The following MCTP1 variants were observed in gnomAD, a reference collection of about 807,000 sequenced individuals.
MCTP1 encodes the protein multiple C2 and transmembrane domain containing 1, also known as multiple C2 and transmembrane domain-containing protein 1.
Under a neutral mutation model 120.6 loss-of-function variants are expected in MCTP1, and 69 were observed. The observed-to-expected ratio is 0.57, with a 90% CI of 0.47 to 0.70. MCTP1 has a LOEUF of 0.70. Among genes scored for constraint, MCTP1 ranks in the 30% least tolerant of loss-of-function variants. The probability of loss-of-function intolerance (pLI) is 0.00; values close to 1 mark genes in which losing one functional copy is unlikely to be tolerated. For synonymous variants in MCTP1, 529 were observed against 493.1 expected, an observed-to-expected ratio of 1.07 and a Z score of -0.96; for missense variants, 1,203 against 1,248.8, an observed-to-expected ratio of 0.96 and a Z score of 0.55.
At chr5:95,247,341 A>G (rs778916486) in intron 1 of MCTP1, among the ~76,000 whole-genome samples, 6 of 152,116 alleles carry the variant, frequency 3.9e-5, no homozygotes, top group Non-Finnish European at 7.4e-5. Flanking sequence ...TCAAAAAACC[A>G]GCTCCTGGAT....
rs183066999 is a variant in MCTP1, at chr5:95,120,155, C to T, written c.721-102671G>A. 2.7e-3 allele frequency among the ~76,000 whole-genome samples: 352 copies of T among 130,878 alleles called. 1 individual carries two copies. Among genetic ancestry groups the T allele is most frequent in the African/African-American group, 8.7e-3 (308 of 35,424 alleles). 85.9% of individuals were successfully genotyped at this position (130,878 alleles called of 152,430 possible). A position where few individuals can be genotyped will look rare whatever the true frequency, so the allele number is the denominator to read the frequency against. Reference sequence around the variant, plus strand: ...TTGCGCCACTGCACTCCAGCCTGGGCGACAGAGCAAGACTCCATCTCAAAA... The same window carrying T: ...TTGCGCCACTGCACTCCAGCCTGGGTGACAGAGCAAGACTCCATCTCAAAA... On this transcript the variant is annotated intron_variant, in intron 1 of 22. Transcript: ENST00000515393.
rs1764242749 is a variant in MCTP1 at position 94,736,385 on chromosome 5, A to G, written c.2611-21499T>C. ...CTGGTCCCAACCACTCGGGAGGCTG[A>G]GGTGGGGGAATCACTTGAGCCTGGG... On this transcript the variant is annotated intron_variant, in intron 19 of 22. Transcript: ENST00000515393. Among the ~76,000 whole-genome samples the G allele has an allele frequency of 5.9e-5, 9 of 152,238 alleles. 1 individual carries two copies. The South Asian group carries it at 1.9e-3, about 32-fold the overall frequency.
rs115470106 is a variant in MCTP1 at position 95,142,731 on chromosome 5, C to T, written c.721-125247G>A. Among the ~76,000 whole-genome samples the T allele has an allele frequency of 7.0e-3, 1,070 of 152,214 alleles. 4 individuals are homozygous for T. The highest frequency in any genetic ancestry group is 0.011 in the Non-Finnish European group (715 of 67,988). On this transcript the variant is annotated intron_variant, in intron 1 of 22. Coordinates refer to ENST00000515393, the MANE Select transcript of MCTP1 (RefSeq NM_024717.7). ...AGAATCAATGGGAATGAAAAGAGCT[C>T]ACCGGCCTCTGACCAACAATTGCCC...
chr5:94,998,035 T>C (rs890091098), intron 2 of MCTP1, among the ~76,000 whole-genome samples: 1 of 152,178 alleles, frequency 6.6e-6, no homozygotes, highest in Non-Finnish European at 1.5e-5. Flanking sequence ...TTGTTCTCAA[T>C]GCAAGGCAGT....
intron 1 of MCTP1, among the ~76,000 whole-genome samples, chr5:95,211,295 G>A (rs1179610826): frequency 6.6e-6 from 1 of 152,106 alleles, no homozygotes; most frequent in African/African-American, 2.4e-5. Flanking sequence ...CATTCTCCCT[G>A]TCACTTTCAG....
chr5:94,818,535 C>T (rs888926828), intron 17 of MCTP1, among the ~76,000 whole-genome samples: 7 of 152,136 alleles, frequency 4.6e-5, no homozygotes, highest in Non-Finnish European at 1.0e-4. Flanking sequence ...TTACATACTG[C>T]GCTAGAGGCT....
chr5:94,888,096 A>G (rs1801738279), intron 12 of MCTP1, among the ~76,000 whole-genome samples: 1 of 152,160 alleles, frequency 6.6e-6, no homozygotes, highest in African/African-American at 2.4e-5. Flanking sequence ...AGTCCTATTT[A>G]TTGTCTAACT....
intron 21 of MCTP1, chr5:94,708,848 G>C: frequency 2.8e-6 from 1 of 358,678 alleles, no homozygotes. Flanking sequence ...AGCTGCCCTG[G>C]GGGTTAATTA....
At chr5:95,065,839 T>C (rs1750520330) in intron 1 of MCTP1, among the ~76,000 whole-genome samples, 1 of 152,112 alleles carries the variant, frequency 6.6e-6, no homozygotes, top group Non-Finnish European at 1.5e-5. Context: ...CCCCAATTTC[T>C]CAGCATATAC....
chr5:94,909,487 C>T (rs778278000), intron 9 of MCTP1, 106 bp from the exon 10 acceptor site: 80 of 1,045,802 alleles, frequency 7.6e-5, no homozygotes, highest in Middle Eastern at 2.4e-4. Flanking sequence ...TAGAAAAGCA[C>T]GCTGTGTGCT....
chr5:94,815,439 T>A (rs1245351771), intron 17 of MCTP1, among the ~76,000 whole-genome samples: 2 of 152,242 alleles, frequency 1.3e-5, no homozygotes, highest in South Asian at 2.1e-4. Flanking sequence ...TGTTCTACTG[T>A]CAGCTTTTCT....
chr5:95,284,654 T>C lies in MCTP1; in HGVS notation c.-79A>G. The C allele has an allele frequency of 1.7e-6, 2 of 1,189,136 alleles. 1 individual carries two copies. Among genetic ancestry groups the C allele is most frequent in the South Asian group, 3.8e-5 (2 of 52,788 alleles). The allele number at this position is 1,189,136 out of a possible 1,614,324, so 73.7% of individuals were successfully genotyped here. A position where few individuals can be genotyped will look rare whatever the true frequency, so the allele number is the denominator to read the frequency against. The stretch of plus-strand genomic sequence containing the variant: ...CTCCTCCCTCTTCGGCTGCACCTCC[T>C]CCCGGGTCCCCGCGGCGCTGGCGGT... On this transcript the variant is annotated 5_prime_UTR_variant, in exon 1 of 23. Coordinates refer to ENST00000515393, the MANE Select transcript of MCTP1 (RefSeq NM_024717.7). This position sits in a 1 kb window ranked among gnomAD's most constrained non-coding sequence, Gnocchi z 5.2.
intron 19 of MCTP1, among the ~76,000 whole-genome samples, chr5:94,743,565 C>T (rs1766093693): frequency 6.6e-6 from 1 of 151,744 alleles, no homozygotes; most frequent in Admixed American, 6.6e-5. Context: ...GTCATCATGG[C>T]CATGTTGGAA....
intron 19 of MCTP1, among the ~76,000 whole-genome samples, chr5:94,776,314 A>C (rs1243242596): frequency 6.6e-6 from 1 of 152,156 alleles, no homozygotes; most frequent in Non-Finnish European, 1.5e-5. Flanking sequence ...GCTCTAAAGA[A>C]AGACACTTTT....
chr5:95,102,053 C>T (rs932375729), intron 1 of MCTP1, among the ~76,000 whole-genome samples: 12 of 152,062 alleles, frequency 7.9e-5, no homozygotes, highest in African/African-American at 1.4e-4. Flanking sequence ...TATAAAGCAA[C>T]GTGTCTTTGC....
intron 17 of MCTP1, among the ~76,000 whole-genome samples, chr5:94,811,457 G>A (rs1328020656): frequency 6.6e-6 from 1 of 152,190 alleles, no homozygotes; most frequent in Non-Finnish European, 1.5e-5. Context: ...GACTTTTACA[G>A]TAAAAGGAAA....
chr5:95,152,016 A>G (rs1760937482), intron 1 of MCTP1, among the ~76,000 whole-genome samples: 1 of 152,250 alleles, frequency 6.6e-6, no homozygotes, highest in Non-Finnish European at 1.5e-5. Context: ...ATACTTTGCC[A>G]TCTATCTTTC....
intron 1 of MCTP1, among the ~76,000 whole-genome samples, chr5:95,213,043 G>A (rs1458124249): frequency 9.9e-5 from 15 of 152,108 alleles, no homozygotes; most frequent in African/African-American, 3.6e-4. Flanking sequence ...GAAATAAAGG[G>A]TATTCAGTTA....
At chr5:94,759,004 C>A (rs1235430622) in intron 19 of MCTP1, among the ~76,000 whole-genome samples, 1 of 152,136 alleles carries the variant, frequency 6.6e-6, no homozygotes, top group Non-Finnish European at 1.5e-5. Flanking sequence ...ATGCTTGATA[C>A]TTTCAACTTA....
Sources: allele counts gnomAD v4.1 joint callset (sites outside exome capture counted in the v4.1 genomes callset), GRCh38; gene constraint gnomAD v4.1.1; non-coding constraint Gnocchi (gnomAD v3.1); transcripts MANE v1.5; gene names NCBI Gene and HGNC (gene_info 2026-07-23, HGNC 2026-07-21).